The following PRKCB variants were observed in gnomAD, a reference collection of about 807,000 sequenced individuals.
PRKCB encodes the protein protein kinase C beta type.
Under a neutral mutation model 81.5 loss-of-function variants are expected in PRKCB, and 13 were observed. That is an observed-to-expected ratio of 0.16 (90% confidence interval 0.10 to 0.25). The LOEUF is 0.25. PRKCB is among the 10% of genes least tolerant of loss of function. The probability of loss-of-function intolerance (pLI) is 1.00; values close to 1 mark genes in which losing one functional copy is unlikely to be tolerated. For missense variants in PRKCB, 509 were observed against 875.7 expected (o/e 0.58, Z 5.29); for synonymous variants, 335 against 321.4 (o/e 1.04, Z -0.45).
At chr16:24,019,457 T>A (rs561068171) in intron 3 of PRKCB, among the ~76,000 whole-genome samples, 4 of 152,334 alleles carry the variant, frequency 2.6e-5, no homozygotes, top group African/African-American at 9.6e-5. Context: ...TTTTTTTGTT[T>A]GTTTCACTTA....
intron 3 of PRKCB, among the ~76,000 whole-genome samples, chr16:24,019,609 T>C (rs536387133): frequency 1.3e-5 from 2 of 152,062 alleles, no homozygotes; most frequent in East Asian, 3.9e-4. Flanking sequence ...GCAAAAAATA[T>C]AAAAAGTAGC....
At chr16:23,945,768 C>CA (rs202156581) in intron 2 of PRKCB, among the ~76,000 whole-genome samples, 76 of 151,756 alleles carry the variant, frequency 5.0e-4, no homozygotes, top group African/African-American at 1.4e-3. Flanking sequence ...CAAAACAAAA[C>CA]AAAAAAAACA....
intron 5 of PRKCB, among the ~76,000 whole-genome samples, chr16:24,058,189 C>T (rs1965928537): frequency 6.6e-6 from 1 of 152,192 alleles, no homozygotes; most frequent in African/African-American, 2.4e-5. Flanking sequence ...CTAAATGTCA[C>T]CTTCTCAGAA....
In PRKCB at chr16:24,039,962, GTTTGTGGAA is replaced by G. The variant is rs557599265; in HGVS notation, c.529+4417_529+4425del. ...GCCAGGCCAGAAGTGGCCTTGTGGT[GTTTGTGGAA>G]TGGCCCCACCTCATCCAGACCCAAG... On this transcript the variant is annotated intron_variant, in intron 5 of 16. Transcript: ENST00000643927. 4.3e-3 allele frequency among the ~76,000 whole-genome samples: 651 copies of G among 152,288 alleles called. 4 individuals carry two copies. Among genetic ancestry groups the G allele is most frequent in the Non-Finnish European group, 4.5e-3 (306 of 68,012 alleles).
At chr16:24,131,804 T>A (rs1207539373) in intron 9 of PRKCB, among the ~76,000 whole-genome samples, 2 of 152,244 alleles carry the variant, frequency 1.3e-5, no homozygotes, top group Admixed American at 6.5e-5. Context: ...GTTCTTGTAC[T>A]AGTACCTGAA....
At chr16:23,891,387 A>G (rs1374084160) in intron 2 of PRKCB, among the ~76,000 whole-genome samples, 2 of 152,028 alleles carry the variant, frequency 1.3e-5, no homozygotes, top group East Asian at 1.9e-4. Flanking sequence ...TGTGCTTATT[A>G]TTGAGTAGGG....
At chr16:24,185,614 A>C in intron 15 of PRKCB, 47 bp downstream of exon 15, 1 of 1,515,496 alleles carries the variant, frequency 6.6e-7, no homozygotes. Flanking sequence ...ACATAAAGGC[A>C]TGTGGGCTGT....
chr16:23,909,340 T>C (rs1387253607), intron 2 of PRKCB, among the ~76,000 whole-genome samples: 2 of 152,180 alleles, frequency 1.3e-5, no homozygotes, highest in Non-Finnish European at 1.5e-5. Context: ...AAATGTATTT[T>C]CTCACAGTTC....
intron 10 of PRKCB, among the ~76,000 whole-genome samples, chr16:24,166,102 G>T (rs898355560): frequency 3.3e-5 from 5 of 151,888 alleles, no homozygotes; most frequent in Non-Finnish European, 7.4e-5. Flanking sequence ...GGCCAGGCTG[G>T]TCTCAAGCTC....
intron 10 of PRKCB, among the ~76,000 whole-genome samples, chr16:24,164,337 C>A (rs774252422): frequency 2.0e-5 from 3 of 152,136 alleles, no homozygotes; most frequent in South Asian, 4.1e-4. Context: ...TCTAGCCAAC[C>A]ATTTTGCATA....
chr16:23,861,913 T>C (rs944521247), intron 2 of PRKCB, among the ~76,000 whole-genome samples: 13 of 152,208 alleles, frequency 8.5e-5, no homozygotes, highest in African/African-American at 3.1e-4. Flanking sequence ...ATAATTCTCT[T>C]ACTGCTTAAA....
chr16:24,087,656 G>C (rs1966326349), intron 5 of PRKCB, among the ~76,000 whole-genome samples: 1 of 152,186 alleles, frequency 6.6e-6, no homozygotes, highest in African/African-American at 2.4e-5. Flanking sequence ...GTGGGATCGG[G>C]ATATGAAAGC....
intron 2 of PRKCB, among the ~76,000 whole-genome samples, chr16:23,857,398 C>T (rs552018725): frequency 1.5e-4 from 23 of 152,120 alleles, no homozygotes; most frequent in African/African-American, 4.3e-4. Flanking sequence ...TGCAGAGAGC[C>T]GCCAGAAGAT....
At chr16:24,152,675 A>G (rs900674976) in intron 9 of PRKCB, among the ~76,000 whole-genome samples, 3 of 152,134 alleles carry the variant, frequency 2.0e-5, no homozygotes, top group Admixed American at 6.6e-5. Flanking sequence ...CCCTTGAGTC[A>G]TTGTTTCTGT....
intron 2 of PRKCB, among the ~76,000 whole-genome samples, chr16:23,875,497 A>ATG (rs775905215): frequency 0.026 from 2,800 of 109,408 alleles, 55 homozygotes; most frequent in South Asian, 0.069. Flanking sequence ...ATATATATAT[A>ATG]TATATATATG....
At chr16:23,934,867 C>T (rs1217860885) in intron 2 of PRKCB, among the ~76,000 whole-genome samples, 4 of 152,174 alleles carry the variant, frequency 2.6e-5, no homozygotes, top group Admixed American at 2.0e-4. Flanking sequence ...GTGTGATCCA[C>T]ATTCTCAGGA....
chr16:23,840,672 C>T (rs1962248631), intron 2 of PRKCB, among the ~76,000 whole-genome samples: 1 of 152,050 alleles, frequency 6.6e-6, no homozygotes, highest in East Asian at 1.9e-4. Flanking sequence ...GTAGGATGAT[C>T]GCAAGGCAAA....
intron 5 of PRKCB, among the ~76,000 whole-genome samples, chr16:24,044,951 T>C (rs1337077267): frequency 6.6e-6 from 1 of 152,150 alleles, no homozygotes; most frequent in Non-Finnish European, 1.5e-5. Flanking sequence ...ATAACCTGTG[T>C]GTGAAGAAAG....
intron 5 of PRKCB, among the ~76,000 whole-genome samples, chr16:24,072,233 G>A (rs1355982616): frequency 4.6e-5 from 7 of 151,946 alleles, no homozygotes; most frequent in Admixed American, 3.3e-4. Context: ...ACCCATCCCT[G>A]CCTTCTCCCA....
Sources: gnomAD v4.1 joint callset for allele counts (sites outside exome capture counted in the v4.1 genomes callset) on GRCh38, gnomAD v4.1.1 for gene constraint, MANE v1.5 for transcripts, NCBI Gene and HGNC (gene_info 2026-07-23, HGNC 2026-07-21) for gene names.